The following RBFOX3 variants were observed in gnomAD, a reference collection of about 807,000 sequenced individuals.
RBFOX3 encodes RNA binding protein fox-1 homolog 3.
A neutral mutation model predicts 48.7 loss-of-function variants in RBFOX3; 17 were observed. The ratio of observed to expected loss-of-function variants is 0.35; its 90% CI spans 0.24 to 0.52. The LOEUF (loss-of-function observed/expected upper bound fraction) is 0.52. Ranked by LOEUF, RBFOX3 falls within the 20% of genes least tolerant of loss-of-function variation. RBFOX3 has a pLI of 0.94. For synonymous variants in RBFOX3, 212 were observed against 209.5 expected, an observed-to-expected ratio of 1.01 and a Z score of -0.10; for missense variants, 382 against 497.5, an observed-to-expected ratio of 0.77 and a Z score of 2.21.
chr17:79,648,483 C>T, the RBFOX3 span, among the ~76,000 whole-genome samples: 36 of 152,300 alleles, frequency 2.4e-4, no homozygotes, highest in African/African-American at 8.4e-4. Context: ...CAGGCGTGGC[C>T]CCATTGCAGA....
intron 1 of RBFOX3, among the ~76,000 whole-genome samples, chr17:79,536,464 A>G (rs1231166051): frequency 6.6e-6 from 1 of 152,248 alleles, no homozygotes; most frequent in Admixed American, 6.5e-5. Context: ...AGCACCATGG[A>G]AGCCTGAACA....
chr17:79,449,420 A>G (rs782730205), intron 2 of RBFOX3, among the ~76,000 whole-genome samples: 10 of 151,858 alleles, frequency 6.6e-5, no homozygotes, highest in Non-Finnish European at 1.2e-4. Context: ...CCTCCAGGTG[A>G]GTCTGCAAAA....
At chr17:79,440,801 C>T (rs2070741078) in intron 2 of RBFOX3, among the ~76,000 whole-genome samples, 1 of 152,124 alleles carries the variant, frequency 6.6e-6, no homozygotes, top group South Asian at 2.1e-4. Context: ...TGCACCCCCT[C>T]ATCAGCATCC....
chr17:79,420,295 C>T (rs1475063265), intron 2 of RBFOX3, among the ~76,000 whole-genome samples: 1 of 152,204 alleles, frequency 6.6e-6, no homozygotes, highest in Non-Finnish European at 1.5e-5. Context: ...TTTCTGAGTG[C>T]ATTTCAAATC....
Position 79,242,626 on chromosome 17 carries a change from CTG to C in RBFOX3, c.-73-6823_-73-6822del, listed in dbSNP as rs1346556746. 1.2e-4 allele frequency among the ~76,000 whole-genome samples: 19 copies of C among 152,006 alleles called. No individual in the cohort carries two copies. Among genetic ancestry groups the C allele is most frequent in the African/African-American group, 4.3e-4 (18 of 41,382 alleles). ...AGGGGAGGGAATCTGGCTTATGGCTCTGAGCCATAAACTGTCACCATTAGGGA... is the reference window on the plus strand; with the variant it reads ...AGGGGAGGGAATCTGGCTTATGGCTCAGCCATAAACTGTCACCATTAGGGA... On this transcript the variant is annotated intron_variant, in intron 3 of 14. Coordinates refer to ENST00000693108, the MANE Select transcript of RBFOX3 (RefSeq NM_001350451.2). This position sits in a 1 kb window ranked among gnomAD's most constrained non-coding sequence, Gnocchi z 5.8.
At chr17:79,222,151 TGCCTGATTTCTACCTGCA>T (rs915727216) in intron 4 of RBFOX3, among the ~76,000 whole-genome samples, 12 of 113,048 alleles carry the variant, frequency 1.1e-4, no homozygotes, top group Admixed American at 2.3e-4. Flanking sequence ...TTCTACCTGC[TGCCTGATTTCTACCTGCA>T]GCCTGATTTC....
In RBFOX3 at chr17:79,094,547, AG is replaced by A; in HGVS notation, c.999-19del. The A allele has an allele frequency of 2.6e-5, 4 of 153,454 alleles. No individual in the cohort carries two copies. Among genetic ancestry groups the A allele is most frequent in the Non-Finnish European group, 2.7e-5 (3 of 112,720 alleles). The allele number at this position is 153,454 out of a possible 1,614,324, so 9.5% of individuals were successfully genotyped here. On this transcript the variant is annotated intron_variant, in intron 13 of 14. Coordinates refer to ENST00000693108, the MANE Select transcript of RBFOX3 (RefSeq NM_001350451.2). Reference sequence around the variant, plus strand: ...TGCCGTAACTAGGGAAGAGCGTGGGAGGGGGAGTGGGAGGAGGGTGGGGGAG... The same window carrying A: ...TGCCGTAACTAGGGAAGAGCGTGGGAGGGGAGTGGGAGGAGGGTGGGGGAG...
At chr17:79,313,071 T>C (rs1371612052) in intron 2 of RBFOX3, among the ~76,000 whole-genome samples, 1 of 152,174 alleles carries the variant, frequency 6.6e-6, no homozygotes, top group East Asian at 1.9e-4. Context: ...GGCATCTGGC[T>C]CAAGAGCTCA....
At chr17:79,596,528 G>A (rs1289110589) in intron 1 of RBFOX3, among the ~76,000 whole-genome samples, 4 of 152,118 alleles carry the variant, frequency 2.6e-5, no homozygotes, top group Admixed American at 6.6e-5. Flanking sequence ...GCCACCCACC[G>A]TGGGCCCAGC....
rs1489696320 is a variant in RBFOX3, at chr17:79,482,029, C to A, written c.-175+425G>T. Among the ~76,000 whole-genome samples, 1 of 152,258 alleles carries A rather than the reference C, an allele frequency of 6.6e-6. No homozygotes were observed. The highest frequency in any genetic ancestry group is 1.9e-4 in the East Asian group (1 of 5,162). On this transcript the variant is annotated intron_variant, in intron 2 of 14. Transcript: ENST00000693108. The surrounding 1 kb of genome is among the most constrained non-coding windows in gnomAD (Gnocchi z 4.1). The stretch of plus-strand genomic sequence containing the variant: ...AGGCATCATGCCGTCCCCTCTAGAG[C>A]CACAGGAAGGCTTCAGGGCCCTCCC...
chr17:79,620,433 ACACATG>A, the RBFOX3 span, among the ~76,000 whole-genome samples: 10 of 144,460 alleles, frequency 6.9e-5, no homozygotes, highest in South Asian at 6.5e-4. Context: ...ACGCACGTGC[ACACATG>A]CACATGCACA....
intron 2 of RBFOX3, among the ~76,000 whole-genome samples, chr17:79,378,131 G>C (rs377053817): frequency 7.7e-4 from 118 of 152,272 alleles, no homozygotes; most frequent in African/African-American, 2.0e-3. Context: ...CATCTCATAG[G>C]GGGGGCGCAT....
chr17:79,275,924 G>A (rs942216422), intron 3 of RBFOX3, among the ~76,000 whole-genome samples: 5 of 152,216 alleles, frequency 3.3e-5, no homozygotes, highest in South Asian at 4.1e-4. Flanking sequence ...CTGCACACGC[G>A]TATTCATTGC....
rs1346633216 is a variant in RBFOX3, at chr17:79,477,426, G to C, written c.-175+5028C>G. 3.9e-5 allele frequency among the ~76,000 whole-genome samples: 6 copies of C among 151,964 alleles called. No homozygotes were observed. Among genetic ancestry groups the C allele is most frequent in the African/African-American group, 1.2e-4 (5 of 41,446 alleles). ...AAAACATTAGCCAGACGTGGTGGCGGGCGCCTGTAGTCCCAGCTACTTGGG... is the reference window on the plus strand; with the variant it reads ...AAAACATTAGCCAGACGTGGTGGCGCGCGCCTGTAGTCCCAGCTACTTGGG... On this transcript the variant is annotated intron_variant, in intron 2 of 14. Transcript: ENST00000693108. This position sits in a 1 kb window ranked among gnomAD's most constrained non-coding sequence, Gnocchi z 4.8.
chr17:79,497,466 A>G (rs1235307444), intron 1 of RBFOX3, among the ~76,000 whole-genome samples: 1 of 152,154 alleles, frequency 6.6e-6, no homozygotes, highest in Admixed American at 6.5e-5. Context: ...GCAATCATCA[A>G]TGTAATGATA....
At chr17:79,163,511 C>T (rs1360713995) in intron 4 of RBFOX3, among the ~76,000 whole-genome samples, 6 of 152,238 alleles carry the variant, frequency 3.9e-5, no homozygotes. Flanking sequence ...TTCAGGAGAA[C>T]ATTCTTCCCC....
At chr17:79,617,532 G>A in the RBFOX3 span, among the ~76,000 whole-genome samples, 10 of 152,202 alleles carry the variant, frequency 6.6e-5, no homozygotes, top group East Asian at 3.9e-4. Flanking sequence ...AGGTGGCCCC[G>A]TGGCCAAGTC....
chr17:79,332,058 C>G (rs957446085), intron 2 of RBFOX3, among the ~76,000 whole-genome samples: 1 of 152,186 alleles, frequency 6.6e-6, no homozygotes, highest in African/African-American at 2.4e-5. Context: ...GGAGCAGACC[C>G]AGGGCTCCCG....
Position 79,512,779 on chromosome 17 carries a change from G to A in RBFOX3, c.-319-30181C>T, listed in dbSNP as rs1225530715. 2.3e-3 allele frequency among the ~76,000 whole-genome samples: 242 copies of A among 105,622 alleles called. 1 individual carries two copies. Among genetic ancestry groups the A allele is most frequent in the Middle Eastern group, 9.3e-3 (1 of 108 alleles). The allele number at this position is 105,622 out of a possible 152,430, so 69.3% of individuals were successfully genotyped here. A position where few individuals can be genotyped will look rare whatever the true frequency, so the allele number is the denominator to read the frequency against. ...GGCCAGGGGACACCCACCCGGATAC[G>A]TGTTACCATCGGGTACGGCCCCATG... On this transcript the variant is annotated intron_variant, in intron 1 of 14. Transcript: ENST00000693108.
Sources: allele counts gnomAD v4.1 joint callset (sites outside exome capture counted in the v4.1 genomes callset), GRCh38; gene constraint gnomAD v4.1.1; non-coding constraint Gnocchi (gnomAD v3.1); transcripts MANE v1.5; gene names NCBI Gene and HGNC (gene_info 2026-07-23, HGNC 2026-07-21).